The following BICC1 variants were observed in gnomAD, a reference collection of about 807,000 sequenced individuals.
BICC1 encodes BicC family RNA binding protein 1.
A neutral mutation model predicts 111.0 loss-of-function variants in BICC1; 43 were observed. The ratio of observed to expected loss-of-function variants is 0.39; its 90% CI spans 0.30 to 0.50. BICC1 has a LOEUF of 0.50. BICC1 is among the 20% of genes least tolerant of loss of function. The pLI, the probability that BICC1 is intolerant of heterozygous loss-of-function variation, is 0.88. For synonymous variants in BICC1, 467 were observed against 434.4 expected (o/e 1.07, Z -0.93); for missense variants, 1,091 against 1,203.2 (o/e 0.91, Z 1.38).
Position 58,803,302 on chromosome 10 carries a change from G to C in BICC1, c.2181+60G>C, listed in dbSNP as rs4245600. ...TCATATGTTTGGGTTCTGGTATGGA[G>C]AATTCAGTGAGTGTTCAGCAGTAGT... is the stretch of plus-strand genomic sequence containing the variant. On this transcript the variant is annotated intron_variant, in intron 15 of 20. Transcript: ENST00000373886. The C allele has an allele frequency of 0.67, 975,652 of 1,460,240 alleles. 336,926 individuals carry two copies. Among genetic ancestry groups the C allele is most frequent in the Admixed American group, 0.73 (32,396 of 44,336 alleles). The allele number at this position is 1,460,240 out of a possible 1,614,324, so 90.5% of individuals were successfully genotyped here.
chr10:58,601,343 TA>T (rs1845032861), intron 1 of BICC1, among the ~76,000 whole-genome samples: 4 of 151,612 alleles, frequency 2.6e-5, no homozygotes, highest in Admixed American at 2.6e-4. Flanking sequence ...AATCATGCCT[TA>T]TTTTCTTTTT....
intron 3 of BICC1, among the ~76,000 whole-genome samples, chr10:58,736,841 G>GATCTAAATTA (rs1841482484): frequency 6.6e-6 from 1 of 152,010 alleles, no homozygotes; most frequent in Non-Finnish European, 1.5e-5. Flanking sequence ...TAGTGCTAGG[G>GATCTAAATTA]GAATCTAAAT....
intron 2 of BICC1, among the ~76,000 whole-genome samples, chr10:58,673,784 A>C (rs1285424674): frequency 1.3e-5 from 1 of 75,116 alleles, no homozygotes; most frequent in Non-Finnish European, 2.7e-5. Context: ...TACCACGCCC[A>C]GCTTTTTTTT....
intron 3 of BICC1, among the ~76,000 whole-genome samples, chr10:58,773,103 A>C (rs1217218874): frequency 6.6e-6 from 1 of 152,214 alleles, no homozygotes; most frequent in African/African-American, 2.4e-5. Flanking sequence ...GAGAGAGAAA[A>C]TAAAGAGGAA....
chr10:58,702,889 C>T (rs1256885637), intron 3 of BICC1, among the ~76,000 whole-genome samples: 1 of 152,044 alleles, frequency 6.6e-6, no homozygotes. Context: ...AAAATAATTG[C>T]AGTCTGAGCT....
chr10:58,799,724 G>T (rs1440501812), intron 12 of BICC1, among the ~76,000 whole-genome samples: 1 of 151,262 alleles, frequency 6.6e-6, no homozygotes, highest in African/African-American at 2.4e-5. Context: ...TTTTTTTTAT[G>T]CCAGTACCAT....
At chr10:58,565,617 G>A (rs1161878984) in intron 1 of BICC1, among the ~76,000 whole-genome samples, 2 of 152,034 alleles carry the variant, frequency 1.3e-5, no homozygotes, top group African/African-American at 2.4e-5. Context: ...TACTTAACTG[G>A]AAACCTTTAT....
intron 3 of BICC1, among the ~76,000 whole-genome samples, chr10:58,755,638 G>C (rs888505795): frequency 2.6e-5 from 4 of 151,930 alleles, no homozygotes; most frequent in Non-Finnish European, 2.9e-5. Context: ...GGTTTGAAAG[G>C]GTGTTTTAAA....
intron 2 of BICC1, among the ~76,000 whole-genome samples, chr10:58,688,836 A>G (rs547179322): frequency 6.6e-6 from 1 of 152,020 alleles, no homozygotes; most frequent in Non-Finnish European, 1.5e-5. Context: ...CAATGAGAAC[A>G]TATGGGCACA....
rs72804444 is a variant in BICC1 at position 58,824,691 on chromosome 10, T to C, written c.2795-4070T>C. Among the ~76,000 whole-genome samples the C allele has an allele frequency of 3.7e-3, 561 of 152,308 alleles. 4 individuals are homozygous for C. Among genetic ancestry groups the C allele is most frequent in the East Asian group, 0.024 (124 of 5,178 alleles). ...TGTGTGTGTGTGGTTTAAAAAGTAC[T>C]GAGTACCATGCAAATATAAGGTGAA... On this transcript the variant is annotated intron_variant, in intron 20 of 20. Coordinates refer to ENST00000373886, the MANE Select transcript of BICC1 (RefSeq NM_001080512.3).
At chr10:58,742,538 A>G (rs887816767) in intron 3 of BICC1, among the ~76,000 whole-genome samples, 1 of 150,896 alleles carries the variant, frequency 6.6e-6, no homozygotes, top group African/African-American at 2.4e-5. Context: ...CTTGGGGTCA[A>G]GCAGCTCTCC....
chr10:58,549,580 C>A (rs1843235132), intron 1 of BICC1, among the ~76,000 whole-genome samples: 1 of 149,568 alleles, frequency 6.7e-6, no homozygotes, highest in East Asian at 1.9e-4. Flanking sequence ...GCTTATTTGT[C>A]ATCTATGTAT....
At position 58,802,140 on chromosome 10, in the gene BICC1, C is replaced by T. The variant is rs543040097; in HGVS notation, c.2016-937C>T. Among the ~76,000 whole-genome samples the T allele has an allele frequency of 7.9e-5, 12 of 152,260 alleles. No homozygotes were observed. The South Asian group carries it at 2.5e-3, about 32-fold the overall frequency. On this transcript the variant is annotated intron_variant, in intron 14 of 20. Coordinates refer to ENST00000373886, the MANE Select transcript of BICC1 (RefSeq NM_001080512.3). ...TTCAAATCACCAATGGTCTGTGTTG[C>T]CTGCTTCCTTTCCTTTACTTATGCT... is the stretch of plus-strand genomic sequence containing the variant.
chr10:58,698,245 G>A (rs569062003), intron 2 of BICC1, among the ~76,000 whole-genome samples: 7 of 152,246 alleles, frequency 4.6e-5, no homozygotes, highest in Admixed American at 6.5e-5. Flanking sequence ...GTGCACAGCC[G>A]TAGGACAGTG....
intron 2 of BICC1, among the ~76,000 whole-genome samples, chr10:58,668,674 C>T (rs1441714925): frequency 6.6e-6 from 1 of 151,952 alleles, no homozygotes; most frequent in African/African-American, 2.4e-5. Context: ...ATGATCGTTA[C>T]TTCATTTTGG....
chr10:58,799,335 A>ATG (rs1182130331), intron 12 of BICC1, 83 bp downstream of exon 12: 6 of 1,116,984 alleles, frequency 5.4e-6, no homozygotes, highest in Admixed American at 2.5e-5. Context: ...ACATGCTAGA[A>ATG]TGTGTGTGTG....
intron 1 of BICC1, among the ~76,000 whole-genome samples, chr10:58,594,522 A>T (rs1160538193): frequency 6.6e-6 from 1 of 152,204 alleles, no homozygotes; most frequent in Non-Finnish European, 1.5e-5. Flanking sequence ...CTAACAGCGG[A>T]TCTCTCCGTA....
chr10:58,751,826 G>A (rs1841998951), intron 3 of BICC1, among the ~76,000 whole-genome samples: 1 of 152,060 alleles, frequency 6.6e-6, no homozygotes, highest in East Asian at 1.9e-4. Context: ...TCACATGTAG[G>A]TTTGGAACCA....
Position 58,703,261 on chromosome 10 carries a change from C to T in BICC1, c.307+1118C>T, listed in dbSNP as rs372221909. On this transcript the variant is annotated intron_variant, in intron 3 of 20. Transcript: ENST00000373886. The stretch of plus-strand genomic sequence containing the variant: ...CTCACTGCAGCCTTACCCTCCCAGG[C>T]TCAAGCCATCCTCCCACCACAGACT... 3.1e-4 allele frequency among the ~76,000 whole-genome samples: 46 copies of T among 149,418 alleles called. No individual in the cohort carries two copies. The East Asian group carries it at 7.6e-3, about 25-fold the overall frequency.
Sources: gnomAD v4.1 joint callset for allele counts (sites outside exome capture counted in the v4.1 genomes callset) on GRCh38, gnomAD v4.1.1 for gene constraint, MANE v1.5 for transcripts, NCBI Gene and HGNC (gene_info 2026-07-23, HGNC 2026-07-21) for gene names.